The following SLC16A1 variants were observed in gnomAD, a reference collection of about 807,000 sequenced individuals.
SLC16A1 encodes solute carrier family 16 member 1, also known as monocarboxylate transporter 1.
A neutral mutation model predicts 32.2 loss-of-function variants in SLC16A1; 11 were observed. The ratio of observed to expected loss-of-function variants is 0.34; its 90% confidence interval spans 0.21 to 0.56. The LOEUF is 0.56. SLC16A1 is among the 20% of genes least tolerant of loss of function. The probability of loss-of-function intolerance (pLI) is 0.87; values close to 1 mark genes in which losing one functional copy is unlikely to be tolerated. For synonymous variants in SLC16A1, 231 were observed against 226.8 expected, an observed-to-expected ratio of 1.02 and a Z score of -0.17; for missense variants, 435 against 615.0, an observed-to-expected ratio of 0.71 and a Z score of 3.10.
intron 1 of SLC16A1, chr1:112,955,449 T>A (rs946276348): frequency 2.6e-5 from 4 of 152,084 alleles, no homozygotes; most frequent in Admixed American, 1.3e-4. Context: ...GGCTGCCCCG[T>A]CCCCTCCGCA....
intron 1 of SLC16A1, among the ~76,000 whole-genome samples, chr1:112,939,746 C>A (rs969499986): frequency 8.5e-5 from 13 of 152,214 alleles, no homozygotes; most frequent in African/African-American, 2.9e-4. Context: ...CTCAGGTGAT[C>A]CACCCACCTC....
chr1:112,934,487 C>T (rs904523211), intron 1 of SLC16A1, among the ~76,000 whole-genome samples: 17 of 152,058 alleles, frequency 1.1e-4, no homozygotes, highest in African/African-American at 3.9e-4. Context: ...AGTTACTCAT[C>T]AAAGTATACA....
intron 1 of SLC16A1, among the ~76,000 whole-genome samples, chr1:112,934,476 C>T (rs1216779085): frequency 6.6e-6 from 1 of 152,162 alleles, no homozygotes; most frequent in African/African-American, 2.4e-5. Context: ...ATGATGGTGA[C>T]AGTTACTCAT....
intron 1 of SLC16A1, among the ~76,000 whole-genome samples, chr1:112,950,282 T>G (rs1180042969): frequency 6.6e-6 from 1 of 152,214 alleles, no homozygotes; most frequent in Non-Finnish European, 1.5e-5. Flanking sequence ...ACATAAGTTT[T>G]GGTTTCCAAA....
rs936103362 is a variant in SLC16A1 at position 112,912,368 on chromosome 1, A to G, written c.*1523T>C. 1 of 152,244 alleles carries G rather than the reference A, an allele frequency of 6.6e-6. No individual in the cohort carries two copies. Among genetic ancestry groups the G allele is most frequent in the Non-Finnish European group, 1.5e-5 (1 of 68,040 alleles). The allele number at this position is 152,244 out of a possible 1,614,324, so 9.4% of individuals were successfully genotyped here. A position where few individuals can be genotyped will look rare whatever the true frequency, so the allele number is the denominator to read the frequency against. The stretch of plus-strand genomic sequence containing the variant: ...GGGAGAAGAAATGTTTTCTTAAAAA[A>G]TGTTTATTTGGAAAAGTCAGCCTCT... On this transcript the variant is annotated 3_prime_UTR_variant, in exon 5 of 5. Coordinates refer to ENST00000369626, the MANE Select transcript of SLC16A1 (RefSeq NM_003051.4).
At chr1:112,934,162 T>C (rs1304745901) in intron 1 of SLC16A1, among the ~76,000 whole-genome samples, 2 of 152,262 alleles carry the variant, frequency 1.3e-5, no homozygotes, top group Non-Finnish European at 2.9e-5. Flanking sequence ...AGGTCAAGCA[T>C]TTCTCTAATC....
rs11352959 is a variant in SLC16A1, at chr1:112,921,140, C to CAA, written c.361+848_361+849dup. On this transcript the variant is annotated intron_variant, in intron 3 of 4. Transcript: ENST00000369626. Reference sequence around the variant, plus strand: ...TGGGAGACAGAGCGAGACTCCGTCTCAAAAAAAAAAAAAAAAGAAAAGAAA... The same window carrying CAA: ...TGGGAGACAGAGCGAGACTCCGTCTCAAAAAAAAAAAAAAAAAAGAAAAGAAA... Among the ~76,000 whole-genome samples the CAA allele has an allele frequency of 7.9e-5, 7 of 88,494 alleles. No homozygotes were observed. The East Asian group carries it at 1.5e-3, about 19-fold the overall frequency. The allele number at this position is 88,494 out of a possible 152,430, so 58.1% of individuals were successfully genotyped here.
intron 1 of SLC16A1, among the ~76,000 whole-genome samples, chr1:112,946,250 TAAC>T (rs1302896923): frequency 2.0e-5 from 3 of 152,008 alleles, no homozygotes; most frequent in African/African-American, 7.3e-5. Context: ...TATCTTCAAC[TAAC>T]AACCATGGCC....
chr1:112,921,162 G>T (rs1485969391), intron 3 of SLC16A1, among the ~76,000 whole-genome samples: 4 of 149,514 alleles, frequency 2.7e-5, no homozygotes, highest in Non-Finnish European at 5.9e-5. Flanking sequence ...AAAAAGAAAA[G>T]AAAATAAGGA....
intron 1 of SLC16A1, among the ~76,000 whole-genome samples, chr1:112,933,472 A>T (rs1649205580): frequency 6.6e-6 from 1 of 151,900 alleles, no homozygotes; most frequent in Non-Finnish European, 1.5e-5. Flanking sequence ...AAAAAAAAAA[A>T]AGTTTTAAAA....
intron 1 of SLC16A1, among the ~76,000 whole-genome samples, chr1:112,934,240 T>C (rs1309852696): frequency 6.6e-6 from 1 of 152,222 alleles, no homozygotes; most frequent in Non-Finnish European, 1.5e-5. Context: ...AAATACTCAT[T>C]GGAACATTTC....
At chr1:112,916,365 G>A (rs6682142) in intron 4 of SLC16A1, among the ~76,000 whole-genome samples, 36,920 of 151,012 alleles carry the variant, frequency 0.24, 5,625 homozygotes, top group East Asian at 0.4. Context: ...GGGCATGGTG[G>A]TGGGCGCCTG....
At chr1:112,952,719 C>T (rs1263863619) in intron 1 of SLC16A1, among the ~76,000 whole-genome samples, 1 of 152,016 alleles carries the variant, frequency 6.6e-6, no homozygotes, top group Admixed American at 6.6e-5. Flanking sequence ...TGAAATTTTC[C>T]ATACTTAACT....
At position 112,918,016 on chromosome 1, in the gene SLC16A1, T is replaced by C. The variant is rs757628694; in HGVS notation, c.390A>G (p.Pro130=). The C allele has an allele frequency of 1.9e-6, 3 of 1,583,870 alleles. No individual in the cohort carries two copies. The highest frequency in any genetic ancestry group is 2.6e-6 in the Non-Finnish European group (3 of 1,172,100). The change falls in exon 4 of 5, where the codon CCA becomes CCG. Residue 130 remains proline (P), a synonymous_variant. Transcript: ENST00000369626. ...GGLGLAFNLN[P]ALTMIGKYFY... ...AATACTTGCCAATCATGGTCAGAGC[T>C]GGATTCAAGTTGAAGGCAAGCCCAA...
intron 1 of SLC16A1, among the ~76,000 whole-genome samples, chr1:112,954,396 T>C (rs983250698): frequency 2.0e-5 from 3 of 152,170 alleles, no homozygotes; most frequent in Non-Finnish European, 2.9e-5. Context: ...AGACCTAAGA[T>C]GTTAGATCAC....
At chr1:112,937,128 A>T (rs1649334788) in intron 1 of SLC16A1, among the ~76,000 whole-genome samples, 1 of 152,242 alleles carries the variant, frequency 6.6e-6, no homozygotes, top group Admixed American at 6.5e-5. Context: ...TAAAAAGATT[A>T]ATTCATCTCA....
intron 1 of SLC16A1, among the ~76,000 whole-genome samples, chr1:112,949,881 A>G (rs1349351894): frequency 6.6e-6 from 1 of 152,164 alleles, no homozygotes; most frequent in Admixed American, 6.5e-5. Flanking sequence ...CAAAGATAGA[A>G]CTGTCAAAAT....
rs779660492 is a variant in SLC16A1 at position 112,929,294 on chromosome 1, A to C, written c.15T>G (p.Val5=). The C allele has an allele frequency of 6.2e-7, 1 of 1,614,036 alleles. No homozygotes were observed. Among genetic ancestry groups the C allele is most frequent in the Non-Finnish European group, 8.5e-7 (1 of 1,180,028 alleles). ...GGGGGGTGTATCCAACTGGACCTCC[A>C]ACTGCTGGTGGCATTTTAAGTGTAG... The part of the protein sequence containing the change: MPPA[V]GGPVGYTPPD... Residue 5 remains valine, a synonymous_variant, in exon 2 of 5, where the codon GTT becomes GTG. Coordinates refer to ENST00000369626, the MANE Select transcript of SLC16A1 (RefSeq NM_003051.4).
At position 112,913,826 on chromosome 1, in the gene SLC16A1, C is replaced by A; in HGVS notation, c.*65G>T. 1.3e-6 allele frequency: 2 copies of A among 1,577,128 alleles called. No individual in the cohort carries two copies. Among genetic ancestry groups the A allele is most frequent in the Non-Finnish European group, 1.7e-6 (2 of 1,147,254 alleles). ...TTGAGCACCACTGGTAGATTACAGG[C>A]CAGTAGAATATTTTCAGATATCCTG... is the stretch of plus-strand genomic sequence containing the variant. On this transcript the variant is annotated 3_prime_UTR_variant, in exon 5 of 5. Transcript: ENST00000369626.
Sources: gnomAD v4.1 joint callset for allele counts (sites outside exome capture counted in the v4.1 genomes callset) on GRCh38, gnomAD v4.1.1 for gene constraint, MANE v1.5 for transcripts, NCBI Gene and HGNC (gene_info 2026-07-23, HGNC 2026-07-21) for gene names.